The following NKAIN3 variants were observed in gnomAD, a reference collection of about 807,000 sequenced individuals.
NKAIN3 encodes the protein sodium/potassium-transporting ATPase subunit beta-1-interacting protein 3.
Under a neutral mutation model 30.2 loss-of-function variants are expected in NKAIN3, and 25 were observed. The ratio of observed to expected loss-of-function variants is 0.83; its 90% CI spans 0.60 to 1.16. The LOEUF (loss-of-function observed/expected upper bound fraction) is 1.16. Ranked by LOEUF, NKAIN3 falls within the 50% of genes most tolerant of loss-of-function variation. The probability of loss-of-function intolerance (pLI) is 0.00; values close to 1 mark genes in which losing one functional copy is unlikely to be tolerated. For synonymous variants in NKAIN3, 91 were observed against 89.6 expected (o/e 1.02, Z -0.09); for missense variants, 225 against 254.1 (o/e 0.89, Z 0.78).
intron 4 of NKAIN3, among the ~76,000 whole-genome samples, chr8:62,799,211 G>A (rs763186181): frequency 2.0e-4 from 31 of 152,224 alleles, no homozygotes; most frequent in Non-Finnish European, 2.6e-4. Flanking sequence ...CATCATGTTT[G>A]GAGCATATTT....
intron 1 of NKAIN3, among the ~76,000 whole-genome samples, chr8:62,265,087 G>A (rs1321768727): frequency 1.3e-5 from 2 of 152,152 alleles, no homozygotes; most frequent in Non-Finnish European, 2.9e-5. Context: ...TACATAAAAG[G>A]TGCCATTACA....
At chr8:62,904,530 A>G (rs562464214) in intron 4 of NKAIN3, among the ~76,000 whole-genome samples, 2 of 152,324 alleles carry the variant, frequency 1.3e-5, no homozygotes, top group African/African-American at 4.8e-5. Context: ...AATCTGGAGA[A>G]CTTATTGAAT....
At chr8:62,954,716 A>G (rs1341964784) in intron 6 of NKAIN3, among the ~76,000 whole-genome samples, 6 of 152,234 alleles carry the variant, frequency 3.9e-5, no homozygotes, top group Non-Finnish European at 1.5e-5. Context: ...AATAGCTATC[A>G]TACACTAACC....
At chr8:62,452,681 C>A (rs1805684112) in intron 1 of NKAIN3, among the ~76,000 whole-genome samples, 1 of 151,980 alleles carries the variant, frequency 6.6e-6, no homozygotes, top group South Asian at 2.1e-4. Flanking sequence ...AGTCTTGATT[C>A]CTAATCATTT....
chr8:62,469,833 G>T (rs1027180903), intron 1 of NKAIN3, among the ~76,000 whole-genome samples: 4 of 152,090 alleles, frequency 2.6e-5, no homozygotes, highest in African/African-American at 9.7e-5. Context: ...ACCTATTCTG[G>T]CAGGTCAGGG....
At chr8:62,731,419 G>A (rs1281651795) in intron 3 of NKAIN3, among the ~76,000 whole-genome samples, 1 of 152,022 alleles carries the variant, frequency 6.6e-6, no homozygotes, top group African/African-American at 2.4e-5. Context: ...AATCATTGAT[G>A]TGATTACTTA....
chr8:62,490,165 G>T (rs1208449498), intron 1 of NKAIN3, among the ~76,000 whole-genome samples: 1 of 152,162 alleles, frequency 6.6e-6, no homozygotes, highest in Non-Finnish European at 1.5e-5. Flanking sequence ...TTCTGTAGAG[G>T]TTTTCTGTAG....
In NKAIN3 at chr8:62,741,815, C is replaced by A. The variant is rs534931050; in HGVS notation, c.274-5117C>A. ...TAATTTGCCTTGTGTAAATTTAATT[C>A]TCAGGCCCAGCTAAAAACTCTAAGA... is the stretch of plus-strand genomic sequence containing the variant. On this transcript the variant is annotated intron_variant, in intron 3 of 6. Transcript: ENST00000623646. 1.1e-4 allele frequency among the ~76,000 whole-genome samples: 17 copies of A among 152,182 alleles called. No homozygotes were observed. In the East Asian group the frequency reaches 2.5e-3, roughly 22 times the overall value.
intron 5 of NKAIN3, among the ~76,000 whole-genome samples, chr8:62,997,755 TAAA>T (rs56261705): frequency 1.8e-4 from 26 of 145,574 alleles, no homozygotes; most frequent in Admixed American, 9.5e-4. Context: ...CTCTTTTCTT[TAAA>T]AAAAAAAAAA....
At chr8:62,429,717 A>G (rs1804934472) in intron 1 of NKAIN3, among the ~76,000 whole-genome samples, 1 of 151,906 alleles carries the variant, frequency 6.6e-6, no homozygotes, top group South Asian at 2.1e-4. Flanking sequence ...TGGAGCTGGA[A>G]GCATTAATGT....
chr8:62,699,943 T>C (rs1477224378), intron 3 of NKAIN3, among the ~76,000 whole-genome samples: 1 of 152,174 alleles, frequency 6.6e-6, no homozygotes, highest in Non-Finnish European at 1.5e-5. Flanking sequence ...CTGGGCAATG[T>C]AGTAAGACTC....
rs760854041 is a variant in NKAIN3 at position 62,996,784 on chromosome 8, C to CTT, written c.533-2446_533-2445dup. ...AAACCTGATGGGGCAGTCATTAAAT[C>CTT]TTAAAGGTCCGTAATGATCTCCTTT... On this transcript the variant is annotated intron_variant, in intron 5 of 5. Coordinates refer to the NKAIN3 transcript ENST00000519049. 2.2e-3 allele frequency among the ~76,000 whole-genome samples: 333 copies of CTT among 152,294 alleles called. 1 individual carries two copies. The highest frequency in any genetic ancestry group is 3.9e-4 in the East Asian group (2 of 5,178).
intron 1 of NKAIN3, chr8:62,483,759 G>A (rs183640167): frequency 6.0e-5 from 17 of 284,202 alleles, no homozygotes; most frequent in African/African-American, 2.5e-4. Context: ...CTTTCATTCC[G>A]CATTTGCAGC....
At chr8:62,367,204 A>C (rs1015690842) in intron 1 of NKAIN3, among the ~76,000 whole-genome samples, 2 of 152,200 alleles carry the variant, frequency 1.3e-5, no homozygotes, top group African/African-American at 4.8e-5. Flanking sequence ...ATCTGTTAGC[A>C]TTACCATAAT....
At position 62,781,595 on chromosome 8, in the gene NKAIN3, C is replaced by T. The variant is rs142181807; in HGVS notation, c.471+34466C>T. Among the ~76,000 whole-genome samples the T allele has an allele frequency of 4.4e-3, 666 of 151,918 alleles. 1 individual carries two copies. Among genetic ancestry groups the T allele is most frequent in the Non-Finnish European group, 6.2e-3 (418 of 67,870 alleles). On this transcript the variant is annotated intron_variant, in intron 4 of 6. Coordinates refer to ENST00000623646, the MANE Select transcript of NKAIN3 (RefSeq NM_001304533.3). ...AAAATAGATGCATGGACCAATGGAA[C>T]AGAATAGAGAACCCAGAAATAAATC...
At chr8:62,643,828 A>AGCTG (rs1287937106) in intron 3 of NKAIN3, among the ~76,000 whole-genome samples, 3 of 149,390 alleles carry the variant, frequency 2.0e-5, no homozygotes, top group African/African-American at 7.6e-5. Flanking sequence ...GTTGTTTTTT[A>AGCTG]TATATAAGTT....
chr8:62,761,772 G>A (rs1339280206), intron 4 of NKAIN3, among the ~76,000 whole-genome samples: 2 of 152,118 alleles, frequency 1.3e-5, no homozygotes, highest in African/African-American at 4.8e-5. Context: ...CAGACAGCTG[G>A]GACTTTAGCA....
chr8:62,518,366 CAA>C (rs1198836818), intron 1 of NKAIN3, among the ~76,000 whole-genome samples: 1 of 151,852 alleles, frequency 6.6e-6, no homozygotes, highest in African/African-American at 2.4e-5. Context: ...AACAAACAAA[CAA>C]AAAAAGATAT....
intron 4 of NKAIN3, among the ~76,000 whole-genome samples, chr8:62,912,875 C>T (rs1821964598): frequency 6.6e-6 from 1 of 152,028 alleles, no homozygotes; most frequent in South Asian, 2.1e-4. Context: ...CACTATTGCA[C>T]TCCAGCCTGG....
Sources: allele counts gnomAD v4.1 joint callset (sites outside exome capture counted in the v4.1 genomes callset), GRCh38; gene constraint gnomAD v4.1.1; transcripts MANE v1.5; gene names NCBI Gene and HGNC (gene_info 2026-07-23, HGNC 2026-07-21).